MED12L: variants seen among roughly 807,000 people sequenced by gnomAD.
MED12L encodes mediator complex subunit 12L.
In MED12L, 60 loss-of-function variants were observed where a neutral mutation model predicts 281.3. The observed-to-expected ratio is 0.21, with a 90% CI of 0.17 to 0.26. MED12L has a LOEUF of 0.26. Among genes scored for constraint, MED12L ranks in the 10% least tolerant of loss-of-function variants. The pLI is 1.00. For synonymous variants in MED12L, 974 were observed against 987.2 expected (o/e 0.99, Z 0.25); for missense variants, 2,146 against 2,680.9 (o/e 0.80, Z 4.41).
chr3:151,131,512 T>C (rs1263684815), intron 5 of MED12L, among the ~76,000 whole-genome samples: 1 of 151,988 alleles, frequency 6.6e-6, no homozygotes, highest in Non-Finnish European at 1.5e-5. Context: ...GAGGCTGAGG[T>C]GAGGGGATAG....
intron 16 of MED12L, among the ~76,000 whole-genome samples, chr3:151,199,868 C>T (rs1559870023): frequency 6.6e-6 from 1 of 151,894 alleles, no homozygotes; most frequent in Non-Finnish European, 1.5e-5. Flanking sequence ...TCCATAGATT[C>T]ATGTGGCTCC....
Position 151,261,275 on chromosome 3 carries a change from T to C in MED12L, c.2250+67609T>C, listed in dbSNP as rs549272077. 4 of 152,136 alleles carry C rather than the reference T, an allele frequency of 2.6e-5. No individual in the cohort carries two copies. In the South Asian group the frequency reaches 8.3e-4, roughly 32 times the overall value. 9.4% of individuals were successfully genotyped at this position (152,136 alleles called of 1,614,324 possible). ...AAACCCCAAAAGGCAGAGGTGGAGATACATTCACAGCCACAGTTTTATCCT... is the reference window on the plus strand; with the variant it reads ...AAACCCCAAAAGGCAGAGGTGGAGACACATTCACAGCCACAGTTTTATCCT... On this transcript the variant is annotated intron_variant, in intron 16 of 44. Coordinates refer to ENST00000687756, the MANE Select transcript of MED12L (RefSeq NM_001393769.1).
intron 2 of MED12L, among the ~76,000 whole-genome samples, chr3:151,101,266 G>A (rs966050008): frequency 2.0e-5 from 3 of 152,182 alleles, no homozygotes; most frequent in Non-Finnish European, 4.4e-5. Flanking sequence ...AGTGCCACAT[G>A]ACATTATAAT....
Position 151,174,346 on chromosome 3 carries a change from A to G in MED12L, c.1494+8364A>G, listed in dbSNP as rs548212211. Among the ~76,000 whole-genome samples, 9 of 152,206 alleles carry G rather than the reference A, an allele frequency of 5.9e-5. No homozygotes were observed. In the East Asian group the frequency reaches 1.7e-3, roughly 29 times the overall value. ...ATTATGTATTTCTCACAACTCCTCT[A>G]TTTTTTTCATTTGTATTACTTAAAC... On this transcript the variant is annotated intron_variant, in intron 11 of 44. Transcript: ENST00000687756.
At chr3:151,114,635 G>T (rs1712442550) in intron 2 of MED12L, among the ~76,000 whole-genome samples, 1 of 152,180 alleles carries the variant, frequency 6.6e-6, no homozygotes. Context: ...GGCTTGGAGT[G>T]AGGGGAGCAG....
intron 39 of MED12L, among the ~76,000 whole-genome samples, chr3:151,403,033 T>G (rs1014400449): frequency 6.6e-6 from 1 of 151,868 alleles, no homozygotes; most frequent in South Asian, 2.1e-4. Context: ...TTTCTTTTTT[T>G]TTTTAATAAA....
Position 151,433,191 on chromosome 3 carries a change from A to AATT in MED12L, c.*388_*390dup, listed in dbSNP as rs1719727775. 6.3e-6 allele frequency: 1 copy of AATT among 158,258 alleles called. No homozygotes were observed. Among genetic ancestry groups the AATT allele is most frequent in the South Asian group, 1.9e-4 (1 of 5,336 alleles). 9.8% of individuals were successfully genotyped at this position (158,258 alleles called of 1,614,324 possible). On this transcript the variant is annotated 3_prime_UTR_variant, in exon 45 of 45. Coordinates refer to ENST00000687756, the MANE Select transcript of MED12L (RefSeq NM_001393769.1). ...ATGATGACGTTGTTTTTTTTTTTTT[A>AATT]ATTTTATTTTCCAAACTGTGCTGGA...
chr3:151,166,678 CTT>C (rs796405326), intron 11 of MED12L, among the ~76,000 whole-genome samples: 20 of 141,904 alleles, frequency 1.4e-4, no homozygotes, highest in Non-Finnish European at 1.7e-4. Context: ...GGACCTCAGT[CTT>C]TTTTTTTTTT....
At chr3:151,161,912 C>T (rs1255542614) in intron 8 of MED12L, among the ~76,000 whole-genome samples, 1 of 152,060 alleles carries the variant, frequency 6.6e-6, no homozygotes, top group Non-Finnish European at 1.5e-5. Flanking sequence ...ATATAGTGTT[C>T]ATTGGTGATC....
At chr3:151,256,597 C>G (rs1354043104) in intron 16 of MED12L, among the ~76,000 whole-genome samples, 6 of 140,756 alleles carry the variant, frequency 4.3e-5, no homozygotes. Flanking sequence ...AAGTACCTCT[C>G]CATTGCCAGA....
chr3:151,156,402 G>A (rs1026974051), intron 6 of MED12L, 72 bp downstream of exon 6: 18 of 1,417,928 alleles, frequency 1.3e-5, no homozygotes, highest in African/African-American at 2.9e-5. Context: ...ATAGTTTGGT[G>A]TTCTGGGGTT....
intron 16 of MED12L, among the ~76,000 whole-genome samples, chr3:151,309,217 T>G (rs1317796907): frequency 1.3e-5 from 2 of 152,178 alleles, no homozygotes; most frequent in Admixed American, 6.5e-5. Context: ...GCATTAATCA[T>G]GTTTTAAACA....
intron 20 of MED12L, among the ~76,000 whole-genome samples, chr3:151,359,770 A>T (rs1754379341): frequency 6.6e-6 from 1 of 152,146 alleles, no homozygotes; most frequent in Admixed American, 6.6e-5. Context: ...GTAACAAAAT[A>T]CAAGATGGTG....
chr3:151,331,544 T>A (rs1433995315), intron 16 of MED12L, among the ~76,000 whole-genome samples: 1 of 152,208 alleles, frequency 6.6e-6, no homozygotes, highest in Non-Finnish European at 1.5e-5. Flanking sequence ...GTAGGTATCA[T>A]GTAGGTTTCT....
At chr3:151,194,376 A>G (rs1176434258) in intron 16 of MED12L, among the ~76,000 whole-genome samples, 1 of 152,158 alleles carries the variant, frequency 6.6e-6, no homozygotes, top group Admixed American at 6.5e-5. Context: ...AAGACGGGAG[A>G]CAAATGTCAG....
rs147198925 is a variant in MED12L at position 151,145,290 on chromosome 3, AC to A, written c.557-10869del. Among the ~76,000 whole-genome samples the A allele has an allele frequency of 5.2e-3, 790 of 152,300 alleles. 10 individuals carry two copies. The highest frequency in any genetic ancestry group is 0.018 in the African/African-American group (750 of 41,566). On this transcript the variant is annotated intron_variant, in intron 5 of 44. Coordinates refer to ENST00000687756, the MANE Select transcript of MED12L (RefSeq NM_001393769.1). ...AGGGCCAGTGCACAGCGAGTGCACT[AC>A]CAATATTGTTACTCTGCATGATAAA...
Position 151,394,944 on chromosome 3 carries a change from G to A in MED12L, c.5820+77G>A. ...GCTTGGGATAAGTTTGGGATATGTA[G>A]CATATTCTTTCTGTATGCATATCCC... On this transcript the variant is annotated intron_variant, in intron 39 of 44. Coordinates refer to ENST00000687756, the MANE Select transcript of MED12L (RefSeq NM_001393769.1). The A allele has an allele frequency of 2.5e-6, 4 of 1,583,720 alleles. No individual in the cohort carries two copies. In the South Asian group the frequency reaches 3.4e-5, roughly 14 times the overall value.
At chr3:151,279,104 T>C (rs1463410306) in intron 16 of MED12L, among the ~76,000 whole-genome samples, 2 of 152,198 alleles carry the variant, frequency 1.3e-5, no homozygotes, top group Non-Finnish European at 2.9e-5. Flanking sequence ...CCATTAGATT[T>C]GGAAGTTTTC....
At chr3:151,310,661 T>C (rs1747380006) in intron 16 of MED12L, among the ~76,000 whole-genome samples, 1 of 152,222 alleles carries the variant, frequency 6.6e-6, no homozygotes, top group African/African-American at 2.4e-5. Context: ...GTGAACTAAT[T>C]TCTCATATGG....
Sources: allele counts gnomAD v4.1 joint callset (sites outside exome capture counted in the v4.1 genomes callset), GRCh38; gene constraint gnomAD v4.1.1; transcripts MANE v1.5; gene names NCBI Gene and HGNC (gene_info 2026-07-23, HGNC 2026-07-21).